Variants in EML5 observed in about 807,000 individuals in gnomAD.
EML5 encodes the protein EMAP like 5, also known as echinoderm microtubule-associated protein-like 5.
Under a neutral mutation model 250.0 loss-of-function variants are expected in EML5, and 120 were observed. That is an observed-to-expected ratio of 0.48 (90% CI 0.41 to 0.56). The LOEUF is 0.56. EML5 is among the 20% of genes least tolerant of loss of function. The pLI is 0.00. For missense variants in EML5, 2,006 were observed against 2,437.6 expected (o/e 0.82, Z 3.73); for synonymous variants, 771 against 806.5 (o/e 0.96, Z 0.75).
chr14:88,683,913 T>G (rs2141193153), intron 20 of EML5, among the ~76,000 whole-genome samples: 1 of 152,296 alleles, frequency 6.6e-6, no homozygotes, highest in East Asian at 1.9e-4. Context: ...AAGGATGTTC[T>G]GTTCTCACCA....
At chr14:88,761,138 T>G (rs1270236112) in intron 1 of EML5, among the ~76,000 whole-genome samples, 6 of 152,194 alleles carry the variant, frequency 3.9e-5, no homozygotes, top group African/African-American at 1.4e-4. Context: ...TTCCTTTTCT[T>G]TCTATAAGCC....
Position 88,792,378 on chromosome 14 carries a change from C to T in EML5, c.126G>A (p.Gly42=). Residue 42 remains glycine, a synonymous_variant, in exon 1 of 44, where the codon GGG becomes GGA. Transcript: ENST00000554922. This position sits in a 1 kb window ranked among gnomAD's most constrained non-coding sequence, Gnocchi z 6.9. ...AAKEIVYFVA[G]VGVVYSPREH... is the part of the protein sequence containing the mutation. The stretch of plus-strand genomic sequence containing the variant: ...CCCGCGGGCTGTACACCACGCCGAC[C>T]CCCGCCACGAAGTATACGATCTCCT... The T allele has an allele frequency of 6.4e-7, 1 of 1,571,224 alleles. No individual in the cohort carries two copies. Among genetic ancestry groups the T allele is most frequent in the Non-Finnish European group, 8.6e-7 (1 of 1,160,252 alleles).
intron 1 of EML5, among the ~76,000 whole-genome samples, chr14:88,765,742 C>A: frequency 6.6e-6 from 1 of 152,240 alleles, no homozygotes; most frequent in Non-Finnish European, 1.5e-5. Context: ...GAAATTGAGT[C>A]CCCTGGAGAA....
chr14:88,694,473 A>AT, intron 16 of EML5, 66 bp from the exon 17 acceptor site: 1 of 1,082,656 alleles, frequency 9.2e-7, no homozygotes, highest in Non-Finnish European at 1.3e-6. Flanking sequence ...CTCTTGCCTA[A>AT]TCCATACCCT....
intron 21 of EML5, among the ~76,000 whole-genome samples, chr14:88,676,662 C>T (rs1317977756): frequency 6.6e-6 from 1 of 152,066 alleles, no homozygotes; most frequent in Admixed American, 6.5e-5. Flanking sequence ...CAAAAAAGAG[C>T]CCATATAGCC....
intron 25 of EML5, 52 bp downstream of exon 25, chr14:88,661,602 T>C (rs912616627): frequency 1.3e-6 from 2 of 1,524,596 alleles, no homozygotes; most frequent in African/African-American, 2.7e-5. Flanking sequence ...GGACATTACC[T>C]TAACCATTTC....
At chr14:88,686,684 G>A (rs910397360) in intron 19 of EML5, among the ~76,000 whole-genome samples, 6 of 152,122 alleles carry the variant, frequency 3.9e-5, no homozygotes, top group African/African-American at 9.7e-5. Flanking sequence ...GGTGGCAGGC[G>A]CCTTTAGTCC....
At position 88,704,853 on chromosome 14, in the gene EML5, T is replaced by C; in HGVS notation, c.2051+7A>G. 1 of 1,602,646 alleles carries C rather than the reference T, an allele frequency of 6.2e-7. No homozygotes were observed. The highest frequency in any genetic ancestry group is 8.5e-7 in the Non-Finnish European group (1 of 1,172,328). On this transcript the variant is annotated splice_region_variant and intron_variant, in intron 13 of 43. Coordinates refer to ENST00000554922, the MANE Select transcript of EML5 (RefSeq NM_183387.3). Reference sequence around the variant, plus strand: ...AAACAAATAAATGAAAGATAGTTGTTTTATACCCGTGAACAAAGTGTAATC... The same window carrying C: ...AAACAAATAAATGAAAGATAGTTGTCTTATACCCGTGAACAAAGTGTAATC...
At chr14:88,646,704 T>A (rs2140724090) in intron 29 of EML5, among the ~76,000 whole-genome samples, 1 of 152,254 alleles carries the variant, frequency 6.6e-6, no homozygotes, top group Admixed American at 6.5e-5. Flanking sequence ...AAAATAAAAT[T>A]ATACAACTTA....
At chr14:88,693,034 T>C (rs1036817740) in intron 17 of EML5, among the ~76,000 whole-genome samples, 4 of 152,226 alleles carry the variant, frequency 2.6e-5, no homozygotes, top group African/African-American at 9.6e-5. Context: ...TTTTTTATTT[T>C]ATAGTTACAA....
chr14:88,702,597 T>C lies in EML5; in HGVS notation c.2087A>G (p.Tyr696Cys), dbSNP rs1297693228. Reference sequence around the variant, plus strand: ...GTACACAATTTCACCAATTTGAGTATAAAACAGATTACTTCGACAGTCATA... The same window carrying C: ...GTACACAATTTCACCAATTTGAGTACAAAACAGATTACTTCGACAGTCATA... ...RGYDCRSNLFYTQIGEIVYHV... is the reference protein window; with the variant it reads ...RGYDCRSNLFCTQIGEIVYHV... Residue 696 changes from tyrosine (Y) to cysteine (C), a missense_variant, in exon 14 of 44, where the codon TAT (tyrosine) becomes TGT (cysteine). Around this residue, in one of 7 missense-constraint regions of EML5, gnomAD observed 1,375 missense variants for 1,590.3 expected, o/e 0.86. Coordinates refer to ENST00000554922, the MANE Select transcript of EML5 (RefSeq NM_183387.3). The C allele has an allele frequency of 6.2e-7, 1 of 1,606,062 alleles. No homozygotes were observed. The highest frequency in any genetic ancestry group is 8.5e-7 in the Non-Finnish European group (1 of 1,175,940).
At chr14:88,759,738 TA>T (rs2094213276) in intron 1 of EML5, among the ~76,000 whole-genome samples, 1 of 148,246 alleles carries the variant, frequency 6.7e-6, no homozygotes, top group Admixed American at 6.7e-5. Context: ...CCTCATAGTT[TA>T]ACTACAAAAT....
chr14:88,622,003 C>T (rs1006958751), intron 37 of EML5: 1 of 385,070 alleles, frequency 2.6e-6, no homozygotes, highest in African/African-American at 2.1e-5. Flanking sequence ...AAACTTGTAT[C>T]CTTTAACCAG....
intron 10 of EML5, among the ~76,000 whole-genome samples, chr14:88,708,242 A>C (rs576287742): frequency 1.3e-5 from 2 of 152,300 alleles, no homozygotes; most frequent in African/African-American, 4.8e-5. Context: ...TGGGTATCTT[A>C]AAAGTGAACC....
intron 33 of EML5, 61 bp from the exon 34 acceptor site, chr14:88,627,880 A>T: frequency 3.5e-6 from 5 of 1,437,140 alleles, no homozygotes; most frequent in Non-Finnish European, 4.7e-6. Context: ...CTGTTTCTAA[A>T]GCTTATGCAT....
Position 88,615,772 on chromosome 14 carries a change from G to A in EML5, c.*46C>T. The A allele has an allele frequency of 6.3e-7, 1 of 1,591,176 alleles. No homozygotes were observed. The highest frequency in any genetic ancestry group is 8.6e-7 in the Non-Finnish European group (1 of 1,167,588). On this transcript the variant is annotated 3_prime_UTR_variant, in exon 44 of 44. Coordinates refer to ENST00000554922, the MANE Select transcript of EML5 (RefSeq NM_183387.3). ...GGTTGGGTTTTGGTTTTTCTTCTCTGTAATTCTGGTCTCAAAGTTAATTTC... is the reference window on the plus strand; with the variant it reads ...GGTTGGGTTTTGGTTTTTCTTCTCTATAATTCTGGTCTCAAAGTTAATTTC...
At chr14:88,658,534 G>T in intron 25 of EML5, 146 bp from the exon 26 acceptor site, 1 of 661,222 alleles carries the variant, frequency 1.5e-6, no homozygotes, top group Non-Finnish European at 2.4e-6. Context: ...CTGAAACTCA[G>T]CAGAATAAAA....
At chr14:88,754,698 G>A in intron 1 of EML5, 27 bp from the exon 2 acceptor site, 2 of 1,554,842 alleles carry the variant, frequency 1.3e-6, no homozygotes, top group Non-Finnish European at 1.7e-6. Context: ...TAAATAAGTA[G>A]TATTATTAAA....
intron 1 of EML5, among the ~76,000 whole-genome samples, chr14:88,775,560 G>A (rs563354411): frequency 3.6e-4 from 55 of 152,316 alleles, no homozygotes; most frequent in African/African-American, 1.3e-3. Flanking sequence ...GGGAAGGACT[G>A]CGCCTTGTGG....
Sources: gnomAD v4.1 joint callset for allele counts (sites outside exome capture counted in the v4.1 genomes callset) on GRCh38, gnomAD v4.1.1 for gene constraint, gnomAD v4.1.1 regional missense constraint, Gnocchi (gnomAD v3.1) non-coding constraint, MANE v1.5 for transcripts, NCBI Gene and HGNC (gene_info 2026-07-23, HGNC 2026-07-21) for gene names.